The following CSMD1 variants were observed in gnomAD, a reference collection of about 807,000 sequenced individuals.
CSMD1 encodes the protein CUB and Sushi multiple domains 1, also known as CUB and sushi domain-containing protein 1.
CSMD1 carries 213 observed loss-of-function variants against 417.5 expected under a neutral mutation model. That is an observed-to-expected ratio of 0.51 (90% CI 0.46 to 0.57). CSMD1 has a LOEUF of 0.57. Among genes scored for constraint, CSMD1 ranks in the 20% least tolerant of loss-of-function variants. CSMD1 has a pLI of 0.00. For missense variants in CSMD1, 6,923 were observed against 4,529.7 expected, an observed-to-expected ratio of 1.53 and a Z score of -15.17; for synonymous variants, 2,862 against 1,736.8, an observed-to-expected ratio of 1.65 and a Z score of -16.11.
At position 4,581,305 on chromosome 8, in the gene CSMD1, A is replaced by C. The variant is rs1482758934; in HGVS notation, c.302+56037T>G. Among the ~76,000 whole-genome samples the C allele has an allele frequency of 2.0e-5, 3 of 152,218 alleles. No homozygotes were observed. The South Asian group carries it at 6.2e-4, about 32-fold the overall frequency. ...AAAAGAACAAGACACATGCAGAGGA[A>C]GTAATGAATTATTTTAAGTTGAATA... is the stretch of plus-strand genomic sequence containing the variant. On this transcript the variant is annotated intron_variant, in intron 2 of 69. Transcript: ENST00000635120.
chr8:3,343,565 G>T (rs866105130), intron 22 of CSMD1, 115 bp from the exon 23 acceptor site: 3 of 851,124 alleles, frequency 3.5e-6, no homozygotes, highest in Non-Finnish European at 1.8e-6. Context: ...ACTTAAAAAG[G>T]CATATAGTTT....
intron 2 of CSMD1, among the ~76,000 whole-genome samples, chr8:4,495,849 A>C (rs1490568866): frequency 6.6e-6 from 1 of 152,176 alleles, no homozygotes; most frequent in African/African-American, 2.4e-5. Flanking sequence ...AGAATTATTA[A>C]TGTAAGTGGA....
At chr8:4,455,394 A>G (rs1322905569) in intron 2 of CSMD1, among the ~76,000 whole-genome samples, 1 of 152,182 alleles carries the variant, frequency 6.6e-6, no homozygotes, top group Non-Finnish European at 1.5e-5. Flanking sequence ...AGTACATTTT[A>G]TACACAGCTG....
chr8:3,866,911 C>G (rs376280452), intron 5 of CSMD1, among the ~76,000 whole-genome samples: 8 of 152,198 alleles, frequency 5.3e-5, no homozygotes, highest in Non-Finnish European at 1.0e-4. Context: ...TGTTTTCATA[C>G]TGCCACTGGA....
intron 7 of CSMD1, among the ~76,000 whole-genome samples, chr8:3,679,886 C>T (rs947698609): frequency 6.6e-6 from 1 of 152,196 alleles, no homozygotes; most frequent in Non-Finnish European, 1.5e-5. Flanking sequence ...GAAACTCACT[C>T]AAAACCACAC....
At chr8:4,699,787 T>G (rs2116810787) in intron 1 of CSMD1, among the ~76,000 whole-genome samples, 1 of 152,348 alleles carries the variant, frequency 6.6e-6, no homozygotes. Context: ...AAGGATATGG[T>G]GCTTGAACTC....
intron 28 of CSMD1, 142 bp from the exon 29 acceptor site, chr8:3,219,584 G>A (rs930126219): frequency 3.6e-6 from 2 of 560,142 alleles, no homozygotes; most frequent in East Asian, 3.1e-5. Context: ...GTTAAATGTA[G>A]TATGAATCAA....
At chr8:2,938,782 T>G in intron 69 of CSMD1, 38 bp from the exon 70 acceptor site, 1 of 1,557,622 alleles carries the variant, frequency 6.4e-7, no homozygotes, top group Non-Finnish European at 8.7e-7. Context: ...GAATCCTGGT[T>G]TCATTTGCAG....
intron 1 of CSMD1, among the ~76,000 whole-genome samples, chr8:4,744,173 T>G (rs1658828886): frequency 6.6e-6 from 1 of 151,742 alleles, no homozygotes; most frequent in Admixed American, 6.6e-5. Flanking sequence ...AGCGTCGCAG[T>G]CCAGGCCAAA....
chr8:4,886,328 T>G (rs774064559), intron 1 of CSMD1, among the ~76,000 whole-genome samples: 19 of 152,094 alleles, frequency 1.2e-4, no homozygotes, highest in Non-Finnish European at 2.1e-4. Context: ...TCCAGCACTA[T>G]ATATATTTTT....
In CSMD1 at chr8:3,228,142, C is replaced by G. The variant is rs180847076; in HGVS notation, c.4345+1898G>C. On this transcript the variant is annotated intron_variant, in intron 27 of 69. Transcript: ENST00000635120. ...AAATGTCTATATTAATTGTAATTGT[C>G]TCCAGGTAAAAAGATGACAACTTTT... Among the ~76,000 whole-genome samples, 608 of 152,194 alleles carry G rather than the reference C, an allele frequency of 4.0e-3. 3 individuals carry two copies. The highest frequency in any genetic ancestry group is 5.4e-3 in the Non-Finnish European group (370 of 67,998).
chr8:3,065,885 G>T (rs1291792517), intron 49 of CSMD1, among the ~76,000 whole-genome samples: 2 of 152,188 alleles, frequency 1.3e-5, no homozygotes, highest in Non-Finnish European at 2.9e-5. Context: ...CATTATAAAT[G>T]AAAATGAGTG....
intron 3 of CSMD1, among the ~76,000 whole-genome samples, chr8:4,381,838 C>T (rs1264962784): frequency 6.6e-6 from 1 of 152,154 alleles, no homozygotes; most frequent in Non-Finnish European, 1.5e-5. Flanking sequence ...TCCTGCTTCA[C>T]CAAAGCTCAG....
At chr8:4,124,105 G>C (rs1240168043) in intron 3 of CSMD1, among the ~76,000 whole-genome samples, 1 of 151,850 alleles carries the variant, frequency 6.6e-6, no homozygotes, top group Non-Finnish European at 1.5e-5. Flanking sequence ...AAAAGAGAAA[G>C]AAAAACTATT....
chr8:4,378,051 C>G (rs1322456178), intron 3 of CSMD1, among the ~76,000 whole-genome samples: 2 of 152,112 alleles, frequency 1.3e-5, no homozygotes, highest in African/African-American at 2.4e-5. Context: ...AAGTGTAACA[C>G]CCACTACTCA....
At position 4,367,573 on chromosome 8, in the gene CSMD1, T is replaced by A. The variant is rs1269961827; in HGVS notation, c.415+52380A>T. Among the ~76,000 whole-genome samples the A allele has an allele frequency of 5.3e-5, 8 of 152,266 alleles. No individual in the cohort carries two copies. In the South Asian group the frequency reaches 1.2e-3, roughly 24 times the overall value. ...TTTGGGCTCCATATAAATTTTAGAATGGTTTTTCTTTTTCTAATTCTGTAA... is the reference window on the plus strand; with the variant it reads ...TTTGGGCTCCATATAAATTTTAGAAAGGTTTTTCTTTTTCTAATTCTGTAA... On this transcript the variant is annotated intron_variant, in intron 3 of 69. Coordinates refer to ENST00000635120, the MANE Select transcript of CSMD1 (RefSeq NM_033225.6).
intron 5 of CSMD1, among the ~76,000 whole-genome samples, chr8:3,817,068 A>G (rs926935181): frequency 6.6e-6 from 1 of 151,996 alleles, no homozygotes; most frequent in Non-Finnish European, 1.5e-5. Flanking sequence ...GTGAAGGAAG[A>G]TAATCTGTTG....
chr8:4,064,256 C>T (rs551704691), intron 3 of CSMD1, among the ~76,000 whole-genome samples: 4 of 152,314 alleles, frequency 2.6e-5, no homozygotes, highest in South Asian at 2.1e-4. Context: ...AAATACTTGA[C>T]GTCAGTCTTC....
At chr8:3,992,151 T>C (rs972295739) in intron 5 of CSMD1, among the ~76,000 whole-genome samples, 2 of 151,102 alleles carry the variant, frequency 1.3e-5, no homozygotes, top group African/African-American at 4.9e-5. Context: ...TGTACATATA[T>C]TATATATATT....
Sources: gnomAD v4.1 joint callset for allele counts (sites outside exome capture counted in the v4.1 genomes callset) on GRCh38, gnomAD v4.1.1 for gene constraint, MANE v1.5 for transcripts, NCBI Gene and HGNC (gene_info 2026-07-23, HGNC 2026-07-21) for gene names.